The following CSRP2 variants were observed in gnomAD, a reference collection of about 807,000 sequenced individuals.
CSRP2 encodes the protein cysteine and glycine rich protein 2.
In CSRP2, 18 loss-of-function variants were observed where a neutral mutation model predicts 24.6. That is an observed-to-expected ratio of 0.73 (90% CI 0.51 to 1.09). The LOEUF (loss-of-function observed/expected upper bound fraction) is 1.09. Ranked by LOEUF, CSRP2 falls within the 50% of genes least tolerant of loss-of-function variation. The probability of loss-of-function intolerance (pLI) is 0.00; values close to 1 mark genes in which losing one functional copy is unlikely to be tolerated. For missense variants in CSRP2, 215 were observed against 239.4 expected, an observed-to-expected ratio of 0.90 and a Z score of 0.67; for synonymous variants, 87 against 84.3, an observed-to-expected ratio of 1.03 and a Z score of -0.18.
At chr12:76,873,401 T>C (rs987551924) in intron 1 of CSRP2, among the ~76,000 whole-genome samples, 1 of 152,226 alleles carries the variant, frequency 6.6e-6, no homozygotes, top group African/African-American at 2.4e-5. Context: ...TTTTTTCTTC[T>C]GTTACCCCAA....
At chr12:76,862,720 G>A in intron 3 of CSRP2, 1 of 1,295,318 alleles carries the variant, frequency 7.7e-7, no homozygotes, top group Non-Finnish European at 9.9e-7. Context: ...CCATTTTTAA[G>A]TAAAAAATTT....
intron 1 of CSRP2, among the ~76,000 whole-genome samples, chr12:76,874,521 T>G (rs1039977310): frequency 6.6e-6 from 1 of 152,214 alleles, no homozygotes; most frequent in African/African-American, 2.4e-5. Flanking sequence ...GAGCCTGTAC[T>G]CCACAAATGG....
rs963897397 is a variant in CSRP2 at position 76,868,053 on chromosome 12, A to C, written c.-1-1792T>G. On this transcript the variant is annotated intron_variant, in intron 1 of 5. Transcript: ENST00000311083. ...TAGACTGTCTTCCGGGAAAGCAGCC[A>C]TCTCTTTCTTAGACCATGTGGTTTA... Among the ~76,000 whole-genome samples the C allele has an allele frequency of 1.2e-4, 18 of 152,198 alleles. 1 individual carries two copies. Among genetic ancestry groups the C allele is most frequent in the Non-Finnish European group, 1.5e-5 (1 of 68,036 alleles).
At chr12:76,868,450 C>T (rs1365199473) in intron 1 of CSRP2, among the ~76,000 whole-genome samples, 1 of 152,120 alleles carries the variant, frequency 6.6e-6, no homozygotes, top group Non-Finnish European at 1.5e-5. Flanking sequence ...AGGGGAGTTC[C>T]CCTGCACAAG....
chr12:76,867,969 C>T (rs76533742), intron 1 of CSRP2, among the ~76,000 whole-genome samples: 21,052 of 152,114 alleles, frequency 0.14, 1,929 homozygotes, highest in Non-Finnish European at 0.2. Context: ...TTGATCATTG[C>T]GGTGGGGAAC....
chr12:76,868,939 A>AAAG (rs1156289476), intron 1 of CSRP2, among the ~76,000 whole-genome samples: 2 of 137,324 alleles, frequency 1.5e-5, no homozygotes, highest in African/African-American at 5.8e-5. Context: ...CCTCAAAAGA[A>AAAG]AAAAAAAAAA....
chr12:76,863,525 G>A (rs1953705346), intron 2 of CSRP2, 181 bp from the exon 3 acceptor site: 3 of 532,316 alleles, frequency 5.6e-6, no homozygotes, highest in Non-Finnish European at 9.8e-6. Context: ...TACATTCGAG[G>A]ATTATTTACA....
intron 1 of CSRP2, among the ~76,000 whole-genome samples, chr12:76,868,246 A>T (rs1323034418): frequency 2.0e-5 from 3 of 152,186 alleles, no homozygotes; most frequent in African/African-American, 7.2e-5. Flanking sequence ...TGTACTTGGA[A>T]ATTAAAAATA....
intron 4 of CSRP2, among the ~76,000 whole-genome samples, 188 bp from the exon 5 acceptor site, chr12:76,859,828 T>C (rs1260255393): frequency 6.6e-6 from 1 of 152,194 alleles, no homozygotes; most frequent in African/African-American, 2.4e-5. Context: ...AGAAAGGCTG[T>C]TTCCCTAAGA....
chr12:76,858,918 C>T lies in CSRP2; in HGVS notation c.*34G>A, dbSNP rs1789995637. The T allele has an allele frequency of 6.4e-7, 1 of 1,555,300 alleles. No homozygotes were observed. The highest frequency in any genetic ancestry group is 1.1e-5 in the South Asian group (1 of 89,780). On this transcript the variant is annotated 3_prime_UTR_variant, in exon 6 of 6. Transcript: ENST00000311083. ...TCTGTGCCTAGATTATGAAGAGATT[C>T]TCAGTGTGTGATGTTTAGTTCAGGG...
chr12:76,872,069 T>C (rs1429681608), intron 1 of CSRP2, among the ~76,000 whole-genome samples: 1 of 152,176 alleles, frequency 6.6e-6, no homozygotes, highest in Non-Finnish European at 1.5e-5. Context: ...AAAAATAAAA[T>C]CCCACTTTAC....
At chr12:76,877,979 A>C (rs7134776) in intron 1 of CSRP2, among the ~76,000 whole-genome samples, 2,075 of 7,760 alleles carry the variant, frequency 0.27, 33 homozygotes, top group African/African-American at 0.26. Flanking sequence ...CCCACCCCCC[A>C]AAAAAAATTC....
intron 1 of CSRP2, among the ~76,000 whole-genome samples, chr12:76,877,933 G>C (rs953273037): frequency 6.6e-6 from 1 of 151,958 alleles, no homozygotes; most frequent in Non-Finnish European, 1.5e-5. Flanking sequence ...TTCGCTGCCC[G>C]GGTTAAAAAA....
chr12:76,875,265 CCTAAAT>C (rs1338806759), intron 1 of CSRP2, among the ~76,000 whole-genome samples: 13 of 152,194 alleles, frequency 8.5e-5, no homozygotes, highest in African/African-American at 3.1e-4. Flanking sequence ...TCTCTGCTAA[CCTAAAT>C]CTAACCCCAC....
chr12:76,877,726 C>T (rs2137841750), intron 1 of CSRP2, among the ~76,000 whole-genome samples: 1 of 152,332 alleles, frequency 6.6e-6, no homozygotes, highest in East Asian at 1.9e-4. Context: ...TACTTCACAA[C>T]ATTCTTTGTA....
chr12:76,866,393 C>T (rs993541590), intron 1 of CSRP2, 132 bp from the exon 2 acceptor site: 8 of 602,148 alleles, frequency 1.3e-5, no homozygotes, highest in Non-Finnish European at 2.4e-5. Context: ...TTTCAAAGGC[C>T]TGCGTTCCTC....
chr12:76,864,384 T>C (rs75818625), intron 2 of CSRP2: 31 of 152,180 alleles, frequency 2.0e-4, no homozygotes, highest in African/African-American at 6.3e-4. Context: ...TGTAAAAATA[T>C]AGTTAGAATG....
chr12:76,858,874 A>AGTT lies in CSRP2; in HGVS notation c.*75_*77dup, dbSNP rs1200881528. 2.3e-6 allele frequency: 3 copies of AGTT among 1,279,734 alleles called. No homozygotes were observed. The African/African-American group carries it at 4.4e-5, about 19-fold the overall frequency. 79.3% of individuals were successfully genotyped at this position (1,279,734 alleles called of 1,614,324 possible). ...CTTAATGCTGGTAGAATTTCACAGT[A>AGTT]GTTTAGTGTTAAAGATTATCTGTGC... On this transcript the variant is annotated 3_prime_UTR_variant, in exon 6 of 6. Transcript: ENST00000311083.
At chr12:76,874,153 C>T (rs976684218) in intron 1 of CSRP2, among the ~76,000 whole-genome samples, 32 of 152,238 alleles carry the variant, frequency 2.1e-4, no homozygotes, top group Admixed American at 2.0e-3. Context: ...CATGACAAAA[C>T]AGTTTCATCT....
Sources: allele counts gnomAD v4.1 joint callset (sites outside exome capture counted in the v4.1 genomes callset), GRCh38; gene constraint gnomAD v4.1.1; transcripts MANE v1.5; gene names NCBI Gene and HGNC (gene_info 2026-07-23, HGNC 2026-07-21).